The following CHODL variants were observed in gnomAD, a reference collection of about 807,000 sequenced individuals.
CHODL encodes the protein chondrolectin.
A neutral mutation model predicts 34.5 loss-of-function variants in CHODL; 29 were observed. That is an observed-to-expected ratio of 0.84 (90% confidence interval 0.63 to 1.15). CHODL has a LOEUF of 1.15. Among genes scored for constraint, CHODL ranks in the 50% most tolerant of loss-of-function variants. CHODL has a pLI of 0.00. For missense variants in CHODL, 332 were observed against 332.5 expected (o/e 1.00, Z 0.01); for synonymous variants, 125 against 116.1 (o/e 1.08, Z -0.49).
At chr21:18,257,415 T>A (rs2074331152) in intron 3 of CHODL, among the ~76,000 whole-genome samples, 1 of 152,150 alleles carries the variant, frequency 6.6e-6, no homozygotes, top group Admixed American at 6.6e-5. Flanking sequence ...ATAGATTTTA[T>A]AAACAATAAA....
intron 2 of CHODL, among the ~76,000 whole-genome samples, chr21:18,187,590 A>G (rs1406720537): frequency 6.6e-6 from 1 of 152,124 alleles, no homozygotes; most frequent in East Asian, 1.9e-4. Flanking sequence ...ATAGCTCTCA[A>G]GGCTGCCTCT....
At chr21:18,192,940 C>T (rs1226304805) in intron 2 of CHODL, among the ~76,000 whole-genome samples, 1 of 152,086 alleles carries the variant, frequency 6.6e-6, no homozygotes, top group Non-Finnish European at 1.5e-5. Context: ...AAAGAGTAGG[C>T]ATTAACTTTA....
rs1555879184 is a variant in CHODL, at chr21:18,174,135, A to ATATATATATCTTGG, written c.-44-82365_-44-82364insCTTGGTATATATAT. Among the ~76,000 whole-genome samples the ATATATATATCTTGG allele has an allele frequency of 4.8e-4, 25 of 51,762 alleles. 1 individual carries two copies. The highest frequency in any genetic ancestry group is 1.1e-3 in the Admixed American group (6 of 5,434). 34.0% of individuals were successfully genotyped at this position (51,762 alleles called of 152,430 possible). ...TATATATCTTGGTGTATATATATAT[A>ATATATATATCTTGG]TATATATATATATATATATATATAT... On this transcript the variant is annotated intron_variant, in intron 2 of 6. Transcript: ENST00000400127.
intron 2 of CHODL, among the ~76,000 whole-genome samples, chr21:18,136,118 AGAAAAAG>A (rs1439691795): frequency 3.8e-4 from 51 of 133,630 alleles, no homozygotes; most frequent in Non-Finnish European, 4.6e-4. Flanking sequence ...AAAAAAAAAA[AGAAAAAG>A]AAAAAAAAGA....
chr21:17,977,324 T>C (rs111730425), intron 1 of CHODL, among the ~76,000 whole-genome samples: 3,513 of 151,982 alleles, frequency 0.023, 149 homozygotes, highest in African/African-American at 0.08. Flanking sequence ...AGAAATAACA[T>C]GCTTTGGGAT....
intron 2 of CHODL, among the ~76,000 whole-genome samples, chr21:18,150,765 T>C (rs538164427): frequency 1.3e-5 from 2 of 152,250 alleles, no homozygotes; most frequent in South Asian, 4.2e-4. Context: ...CATTTTCACC[T>C]TTCTGTCTTG....
chr21:18,085,529 A>C (rs1438184248), intron 2 of CHODL, among the ~76,000 whole-genome samples: 1 of 152,076 alleles, frequency 6.6e-6, no homozygotes, highest in African/African-American at 2.4e-5. Context: ...GACGCCTCTG[A>C]GCATTTCTTC....
chr21:18,256,182 A>G (rs1038670550), intron 1 of CHODL, among the ~76,000 whole-genome samples: 2 of 152,112 alleles, frequency 1.3e-5, no homozygotes, highest in Non-Finnish European at 2.9e-5. Context: ...TCACTTTACT[A>G]TACACTCCTG....
At chr21:17,961,055 T>C (rs2063528457) in intron 1 of CHODL, among the ~76,000 whole-genome samples, 1 of 152,192 alleles carries the variant, frequency 6.6e-6, no homozygotes, top group South Asian at 2.1e-4. Flanking sequence ...GACGTGCCTT[T>C]GTCATCCCCT....
At chr21:18,071,501 C>T (rs550451001) in intron 2 of CHODL, among the ~76,000 whole-genome samples, 1 of 152,138 alleles carries the variant, frequency 6.6e-6, no homozygotes, top group African/African-American at 2.4e-5. Context: ...TCAGTTCTAC[C>T]CTCTACATGA....
chr21:18,159,817 G>C lies in CHODL; in HGVS notation c.-44-96692G>C, dbSNP rs1293164140. 7.9e-4 allele frequency among the ~76,000 whole-genome samples: 120 copies of C among 152,314 alleles called. 1 individual carries two copies. Among genetic ancestry groups the C allele is most frequent in the African/African-American group, 2.7e-3 (113 of 41,562 alleles). On this transcript the variant is annotated intron_variant, in intron 2 of 6. Transcript: ENST00000400127. ...ATCAGATAGATGGCAGCATGAGAAG[G>C]ATTCGACCTGCTGGTGCTGTTGGCT...
At chr21:18,011,324 G>A (rs2064017844) in intron 1 of CHODL, among the ~76,000 whole-genome samples, 1 of 152,136 alleles carries the variant, frequency 6.6e-6, no homozygotes, top group African/African-American at 2.4e-5. Context: ...TAAATAGTTT[G>A]TTGTAATCAG....
At chr21:18,090,829 T>G (rs1479617451) in intron 2 of CHODL, among the ~76,000 whole-genome samples, 1 of 151,538 alleles carries the variant, frequency 6.6e-6, no homozygotes, top group Non-Finnish European at 1.5e-5. Flanking sequence ...TCTCCACTGA[T>G]GGAACACCAA....
At chr21:18,029,821 T>C (rs1332677499) in intron 2 of CHODL, among the ~76,000 whole-genome samples, 1 of 152,078 alleles carries the variant, frequency 6.6e-6, no homozygotes, top group Non-Finnish European at 1.5e-5. Context: ...TTCAAGTTAG[T>C]GGGAACTATG....
At chr21:17,969,462 AT>A (rs1336412999) in intron 1 of CHODL, among the ~76,000 whole-genome samples, 2 of 152,236 alleles carry the variant, frequency 1.3e-5, no homozygotes, top group East Asian at 3.8e-4. Flanking sequence ...AATGAAACAA[AT>A]TTGTAAGCAG....
intron 1 of CHODL, among the ~76,000 whole-genome samples, chr21:18,011,580 G>A (rs984938044): frequency 2.0e-5 from 3 of 152,130 alleles, no homozygotes; most frequent in African/African-American, 7.2e-5. Context: ...ATAGTTGTAA[G>A]TTCACTACAG....
intron 2 of CHODL, among the ~76,000 whole-genome samples, chr21:18,159,600 A>G (rs1339166712): frequency 2.0e-5 from 3 of 152,182 alleles, no homozygotes; most frequent in Non-Finnish European, 4.4e-5. Context: ...GTATTTTGGG[A>G]AGCAGAATCA....
intron 2 of CHODL, among the ~76,000 whole-genome samples, chr21:18,086,347 C>T (rs2065007491): frequency 6.6e-6 from 1 of 152,024 alleles, no homozygotes; most frequent in South Asian, 2.1e-4. Context: ...TTTTATCTGG[C>T]ATTTCAAGGA....
At chr21:17,954,938 A>T (rs1477702751) in intron 1 of CHODL, among the ~76,000 whole-genome samples, 2 of 131,212 alleles carry the variant, frequency 1.5e-5, no homozygotes, top group African/African-American at 5.1e-5. Flanking sequence ...TATAATTTTT[A>T]AAAAATATTT....
Sources: allele counts gnomAD v4.1 joint callset (sites outside exome capture counted in the v4.1 genomes callset), GRCh38; gene constraint gnomAD v4.1.1; transcripts MANE v1.5; gene names NCBI Gene and HGNC (gene_info 2026-07-23, HGNC 2026-07-21).